Variants in DLG2 observed in about 807,000 individuals in gnomAD.
DLG2 encodes the protein discs large MAGUK scaffold protein 2.
In DLG2, 45 loss-of-function variants were observed where a neutral mutation model predicts 132.5. The observed-to-expected ratio is 0.34, with a 90% confidence interval of 0.27 to 0.44. The LOEUF is 0.44. DLG2 is among the 20% of genes least tolerant of loss of function. The probability of loss-of-function intolerance (pLI) is 1.00; values close to 1 mark genes in which losing one functional copy is unlikely to be tolerated. For synonymous variants in DLG2, 424 were observed against 419.6 expected (o/e 1.01, Z -0.13); for missense variants, 1,045 against 1,196.9 (o/e 0.87, Z 1.87).
intron 14 of DLG2, among the ~76,000 whole-genome samples, chr11:83,958,794 T>G (rs572959549): frequency 1.3e-5 from 2 of 152,172 alleles, no homozygotes; most frequent in South Asian, 4.1e-4. Context: ...TTGAAGATAG[T>G]TTTTCATAAT....
chr11:84,648,684 A>G (rs1363177240), intron 6 of DLG2, among the ~76,000 whole-genome samples: 1 of 151,932 alleles, frequency 6.6e-6, no homozygotes, highest in Non-Finnish European at 1.5e-5. Context: ...TATTGAAAAG[A>G]GCTTGGCATA....
chr11:84,748,033 A>G lies in DLG2; in HGVS notation c.358-213302T>C, dbSNP rs537363472. ...CCATTCCCCTGTTGCTACAGTGCTG[A>G]TGATTTGTCTGCAACCAGTTTCCTG... On this transcript the variant is annotated intron_variant, in intron 6 of 27. Coordinates refer to ENST00000376104, the MANE Select transcript of DLG2 (RefSeq NM_001142699.3). 3.3e-5 allele frequency among the ~76,000 whole-genome samples: 5 copies of G among 152,322 alleles called. No individual in the cohort carries two copies. In the East Asian group the frequency reaches 9.6e-4, roughly 29 times the overall value.
intron 8 of DLG2, among the ~76,000 whole-genome samples, chr11:84,241,960 C>T (rs981325056): frequency 2.6e-5 from 4 of 152,332 alleles, no homozygotes; most frequent in Middle Eastern, 3.4e-3. Flanking sequence ...AGTTCACAGA[C>T]TGCACCTTGA....
At chr11:84,177,709 T>C (rs1458923261) in intron 8 of DLG2, among the ~76,000 whole-genome samples, 1 of 152,182 alleles carries the variant, frequency 6.6e-6, no homozygotes, top group Non-Finnish European at 1.5e-5. Context: ...TGCCTCAGTT[T>C]TCTGATCTGT....
At chr11:85,530,742 G>T (rs1035291106) in intron 3 of DLG2, among the ~76,000 whole-genome samples, 1 of 152,148 alleles carries the variant, frequency 6.6e-6, no homozygotes, top group Non-Finnish European at 1.5e-5. Context: ...CTTTGTTTTG[G>T]CTACCATTCT....
At chr11:85,405,993 G>C (rs2088691056) in intron 3 of DLG2, among the ~76,000 whole-genome samples, 2 of 151,836 alleles carry the variant, frequency 1.3e-5, no homozygotes, top group Admixed American at 6.6e-5. Context: ...AAAAAACTAA[G>C]CTAGATATAC....
chr11:83,622,643 G>A (rs1466526129), intron 19 of DLG2, among the ~76,000 whole-genome samples: 1 of 151,954 alleles, frequency 6.6e-6, no homozygotes, highest in African/African-American at 2.4e-5. Flanking sequence ...TTTTATTTCT[G>A]CCTTAATTTT....
At chr11:84,839,890 G>C (rs997339823) in intron 6 of DLG2, among the ~76,000 whole-genome samples, 3 of 152,050 alleles carry the variant, frequency 2.0e-5, no homozygotes, top group African/African-American at 4.8e-5. Context: ...AAAAACCCTA[G>C]AAGAAAACCT....
chr11:84,896,155 T>C (rs1034127780), intron 6 of DLG2, among the ~76,000 whole-genome samples: 14 of 152,140 alleles, frequency 9.2e-5, no homozygotes, highest in Non-Finnish European at 1.6e-4. Context: ...TAGCTTTATA[T>C]ACATTTTGTA....
intron 9 of DLG2, among the ~76,000 whole-genome samples, chr11:84,153,217 T>G (rs1195891538): frequency 6.6e-6 from 1 of 152,216 alleles, no homozygotes; most frequent in African/African-American, 2.4e-5. Context: ...GCTGTTAGCT[T>G]GATGAAATTT....
chr11:84,710,741 T>G (rs2060286279), intron 6 of DLG2, among the ~76,000 whole-genome samples: 2 of 151,550 alleles, frequency 1.3e-5, no homozygotes, highest in South Asian at 4.2e-4. Context: ...GGAAAAAAAC[T>G]TCAATAAAGA....
intron 6 of DLG2, among the ~76,000 whole-genome samples, chr11:84,591,472 A>T (rs2099543190): frequency 6.6e-6 from 1 of 151,636 alleles, no homozygotes; most frequent in South Asian, 2.1e-4. Context: ...TTTGAGACCA[A>T]CCTGGTCAAC....
chr11:83,682,951 C>T (rs1476484909), intron 18 of DLG2, among the ~76,000 whole-genome samples: 1 of 152,108 alleles, frequency 6.6e-6, no homozygotes, highest in East Asian at 1.9e-4. Context: ...AACTTGAACC[C>T]AAACCCAGGT....
intron 6 of DLG2, among the ~76,000 whole-genome samples, chr11:84,929,327 T>A (rs1402724229): frequency 6.6e-6 from 1 of 151,888 alleles, no homozygotes; most frequent in Non-Finnish European, 1.5e-5. Flanking sequence ...ATAAATATGT[T>A]TCATATTCTA....
intron 7 of DLG2, among the ~76,000 whole-genome samples, chr11:84,426,506 T>C (rs1206319380): frequency 6.6e-6 from 1 of 152,154 alleles, no homozygotes; most frequent in Non-Finnish European, 1.5e-5. Context: ...AATGTGGATA[T>C]AATAGTACTT....
rs908294275 is a variant in DLG2 at position 84,251,184 on chromosome 11, C to T, written c.573+54G>A. ...AATGTGAATTGAATTTAAATTCAGC[C>T]AATTAAGTTCTACCACAGTTTTAAA... On this transcript the variant is annotated intron_variant, in intron 8 of 27. Coordinates refer to ENST00000376104, the MANE Select transcript of DLG2 (RefSeq NM_001142699.3). 3.8e-5 allele frequency: 41 copies of T among 1,090,488 alleles called. No individual in the cohort carries two copies. In the Middle Eastern group the frequency reaches 7.6e-4, roughly 20 times the overall value. The allele number at this position is 1,090,488 out of a possible 1,614,324, so 67.6% of individuals were successfully genotyped here. A position where few individuals can be genotyped will look rare whatever the true frequency, so the allele number is the denominator to read the frequency against.
chr11:84,215,720 C>T (rs1256523107), intron 8 of DLG2, among the ~76,000 whole-genome samples: 1 of 152,068 alleles, frequency 6.6e-6, no homozygotes, highest in Non-Finnish European at 1.5e-5. Context: ...CAGAAACAAA[C>T]CTCTCTGAGG....
chr11:84,567,309 G>T (rs1009185737), intron 6 of DLG2, among the ~76,000 whole-genome samples: 2 of 152,152 alleles, frequency 1.3e-5, no homozygotes, highest in Non-Finnish European at 2.9e-5. Flanking sequence ...ATTACTGTAG[G>T]CAGTAAGAAA....
intron 5 of DLG2, among the ~76,000 whole-genome samples, chr11:85,125,613 T>C (rs1367173190): frequency 6.6e-6 from 1 of 152,172 alleles, no homozygotes; most frequent in Non-Finnish European, 1.5e-5. Context: ...TTGTTGTGAT[T>C]CAATCAGGAG....
Sources: gnomAD v4.1 joint callset for allele counts (sites outside exome capture counted in the v4.1 genomes callset) on GRCh38, gnomAD v4.1.1 for gene constraint, MANE v1.5 for transcripts, NCBI Gene and HGNC (gene_info 2026-07-23, HGNC 2026-07-21) for gene names.